The following JADE2 variants were observed in gnomAD, a reference collection of about 807,000 sequenced individuals.
The protein encoded by JADE2 is E3 ubiquitin-protein ligase Jade-2.
JADE2 carries 13 observed loss-of-function variants against 85.7 expected under a neutral mutation model. That is an observed-to-expected ratio of 0.15 (90% CI 0.10 to 0.24). JADE2 has a LOEUF of 0.24. JADE2 is among the 10% of genes least tolerant of loss of function. JADE2 has a pLI of 1.00. For missense variants in JADE2, 846 were observed against 1,115.9 expected, an observed-to-expected ratio of 0.76 and a Z score of 3.45; for synonymous variants, 440 against 456.1, an observed-to-expected ratio of 0.96 and a Z score of 0.45.
rs759320852 is a variant in JADE2, at chr5:134,581,000, A to T, written c.*1683A>T. The T allele has an allele frequency of 6.6e-6, 1 of 152,574 alleles. No individual in the cohort carries two copies. Among genetic ancestry groups the T allele is most frequent in the Non-Finnish European group, 1.5e-5 (1 of 68,038 alleles). The allele number at this position is 152,574 out of a possible 1,614,324, so 9.5% of individuals were successfully genotyped here. On this transcript the variant is annotated 3_prime_UTR_variant, in exon 12 of 12. Transcript: ENST00000681547. ...CCATGTGGTTCCCTCCTCCCCAAAT[A>T]CATAAAGCAAATAAGCAGGATGGGG...
intron 2 of JADE2, among the ~76,000 whole-genome samples, chr5:134,536,398 T>C (rs965913143): frequency 2.0e-5 from 3 of 152,320 alleles, no homozygotes; most frequent in African/African-American, 7.2e-5. Context: ...GCTCAGTGAA[T>C]GTCTGCTGAA....
chr5:134,556,918 A>G (rs1279134385), intron 4 of JADE2, among the ~76,000 whole-genome samples: 4 of 130,652 alleles, frequency 3.1e-5, no homozygotes, highest in Admixed American at 2.5e-4. Context: ...ATGCACACAC[A>G]CACATCACAC....
chr5:134,574,644 A>G (rs954487547), intron 10 of JADE2: 2 of 152,392 alleles, frequency 1.3e-5, no homozygotes, highest in Admixed American at 6.5e-5. Context: ...GTGCTTTGGC[A>G]TCACCACCCA....
At chr5:134,530,667 G>T (rs957967609) in intron 1 of JADE2, among the ~76,000 whole-genome samples, 7 of 152,220 alleles carry the variant, frequency 4.6e-5, no homozygotes, top group African/African-American at 1.7e-4. Context: ...CCCTCACTAA[G>T]GCCAACCACT....
chr5:134,581,619 T>G lies in JADE2; in HGVS notation c.*2302T>G, dbSNP rs1382141572. The G allele has an allele frequency of 6.5e-6, 1 of 152,832 alleles. No individual in the cohort carries two copies. Among genetic ancestry groups the G allele is most frequent in the Non-Finnish European group, 1.5e-5 (1 of 68,592 alleles). 9.5% of individuals were successfully genotyped at this position (152,832 alleles called of 1,614,324 possible). A position where few individuals can be genotyped will look rare whatever the true frequency, so the allele number is the denominator to read the frequency against. ...GCCCCTTGCCTCGGGCTGGCTGGTG[T>G]TCTTCCAAGAGCCTCTGCTCACATT... On this transcript the variant is annotated 3_prime_UTR_variant, in exon 12 of 12. Coordinates refer to ENST00000681547, the MANE Select transcript of JADE2 (RefSeq NM_001388185.1).
chr5:134,559,655 G>T (rs1206216894), intron 4 of JADE2, among the ~76,000 whole-genome samples, 175 bp from the exon 5 acceptor site: 3 of 152,234 alleles, frequency 2.0e-5, no homozygotes, highest in Non-Finnish European at 4.4e-5. Context: ...GTCTCTGCAG[G>T]GTGGGCAGAT....
chr5:134,526,457 G>C (rs1385249428), intron 1 of JADE2: 2 of 985,102 alleles, frequency 2.0e-6, no homozygotes, highest in Non-Finnish European at 2.4e-6. Context: ...CGGCCCGGGC[G>C]GGGGCTCCGA....
chr5:134,533,583 G>C, intron 1 of JADE2: 12 of 985,290 alleles, frequency 1.2e-5, no homozygotes, highest in Non-Finnish European at 1.4e-5. Flanking sequence ...GATTGCAAAA[G>C]AAAATGGGTG....
At chr5:134,541,208 C>T (rs571194114) in intron 3 of JADE2, among the ~76,000 whole-genome samples, 39 of 152,358 alleles carry the variant, frequency 2.6e-4, no homozygotes, top group Non-Finnish European at 5.0e-4. Flanking sequence ...CAAGCTTTTC[C>T]TCCCACAGTA....
chr5:134,527,317 C>T (rs1760914108), intron 1 of JADE2, among the ~76,000 whole-genome samples: 3 of 152,198 alleles, frequency 2.0e-5, no homozygotes, highest in Admixed American at 1.3e-4. Flanking sequence ...TTCTTCCCGC[C>T]CATCCCTGGG....
chr5:134,527,747 C>T (rs1760954620), intron 1 of JADE2, among the ~76,000 whole-genome samples: 1 of 152,112 alleles, frequency 6.6e-6, no homozygotes, highest in African/African-American at 2.4e-5. Flanking sequence ...CGCAACTCCC[C>T]TCCCAATCCC....
At chr5:134,537,749 T>G (rs1275403590) in intron 2 of JADE2, among the ~76,000 whole-genome samples, 4 of 152,166 alleles carry the variant, frequency 2.6e-5, no homozygotes. Context: ...AAACTAATAC[T>G]GAGCCCCAGT....
chr5:134,524,284 T>G (rs962945925), upstream of JADE2: 1 of 152,106 alleles, frequency 6.6e-6, no homozygotes, highest in Non-Finnish European at 1.5e-5. Context: ...GCGCAGCGGG[T>G]TGGGTGGGTG....
chr5:134,560,866 A>T lies in JADE2; in HGVS notation c.593A>T (p.Glu198Val). Residue 198 changes from glutamate (E) to valine (V), a missense_variant, in exon 6 of 12, where the codon GAG becomes GTG. Around this residue, in one of 9 missense-constraint regions of JADE2, gnomAD observed 129 missense variants for 255.4 expected, o/e 0.51. Coordinates refer to ENST00000681547, the MANE Select transcript of JADE2 (RefSeq NM_001388185.1). ...TQEGLGIEYD[E>V]DVVCDVCRSP... ...GAGGGGCTGGGCATCGAGTACGACG[A>T]GGATGTTGTCTGCGACGTGTGTCGC... is the stretch of plus-strand genomic sequence containing the variant. 6.2e-7 allele frequency: 1 copy of T among 1,614,206 alleles called. No individual in the cohort carries two copies. Among genetic ancestry groups the T allele is most frequent in the Non-Finnish European group, 8.5e-7 (1 of 1,180,042 alleles).
Position 134,530,633 on chromosome 5 carries a change from G to A in JADE2, c.-1+4622G>A, listed in dbSNP as rs145852949. Among the ~76,000 whole-genome samples the A allele has an allele frequency of 5.1e-3, 780 of 152,334 alleles. 4 individuals carry two copies. Among genetic ancestry groups the A allele is most frequent in the Middle Eastern group, 0.017 (5 of 294 alleles). On this transcript the variant is annotated intron_variant, in intron 1 of 11. Transcript: ENST00000681547. ...TTAAAGGGGGCTGGCATTGGGCATT[G>A]GTGTTTTAAGTCCAGACCTGAGGCC...
In JADE2 at chr5:134,576,906, G is replaced by A; in HGVS notation, c.1681+10G>A. On this transcript the variant is annotated intron_variant, in intron 11 of 11. Transcript: ENST00000681547. ...GTCCTGGGGCAGCTGGGTGAGTGAGGGCCATGCTGGCCTGCAGACACGGCA... is the reference window on the plus strand; with the variant it reads ...GTCCTGGGGCAGCTGGGTGAGTGAGAGCCATGCTGGCCTGCAGACACGGCA... The A allele has an allele frequency of 7.2e-6, 11 of 1,527,916 alleles. No individual in the cohort carries two copies. The highest frequency in any genetic ancestry group is 9.7e-6 in the Non-Finnish European group (11 of 1,136,552). 94.6% of individuals were successfully genotyped at this position (1,527,916 alleles called of 1,614,324 possible).
In JADE2 at chr5:134,580,562, C is replaced by T. The variant is rs1031379766; in HGVS notation, c.*1245C>T. 3 of 151,810 alleles carry T rather than the reference C, an allele frequency of 2.0e-5. No homozygotes were observed. Among genetic ancestry groups the T allele is most frequent in the Non-Finnish European group, 2.9e-5 (2 of 67,946 alleles). The allele number at this position is 151,810 out of a possible 1,614,324, so 9.4% of individuals were successfully genotyped here. A position where few individuals can be genotyped will look rare whatever the true frequency, so the allele number is the denominator to read the frequency against. Reference sequence around the variant, plus strand: ...TCAGGGAACAACAAAAAAGGAATTCCGTGAAAACATTTTTTTTTCTTTGAT... The same window carrying T: ...TCAGGGAACAACAAAAAAGGAATTCTGTGAAAACATTTTTTTTTCTTTGAT... On this transcript the variant is annotated 3_prime_UTR_variant, in exon 12 of 12. Transcript: ENST00000681547.
chr5:134,578,786 G>T lies in JADE2; in HGVS notation c.1974G>T (p.Gly658=). ...CACCACCACCACCACCGCAGGACGG[G>T]CCTGGTTCACGGACGACTCCAGACA... ...KKPPPPPPQD[G]PGSRTTPDKA... is the part of the protein sequence containing the mutation. Residue 658 remains glycine, a synonymous_variant, in exon 12 of 12, where the codon GGG becomes GGT. Transcript: ENST00000681547. This position sits in a 1 kb window ranked among gnomAD's most constrained non-coding sequence, Gnocchi z 4.4. 2 of 1,613,780 alleles carry T rather than the reference G, an allele frequency of 1.2e-6. No individual in the cohort carries two copies. Among genetic ancestry groups the T allele is most frequent in the Non-Finnish European group, 1.7e-6 (2 of 1,179,996 alleles).
At chr5:134,554,476 G>A (rs761713542) in intron 4 of JADE2, among the ~76,000 whole-genome samples, 3 of 152,102 alleles carry the variant, frequency 2.0e-5, no homozygotes, top group African/African-American at 4.8e-5. Context: ...ATTTGGTTCC[G>A]GAAACATCTC....
Sources: allele counts gnomAD v4.1 joint callset (sites outside exome capture counted in the v4.1 genomes callset), GRCh38; gene constraint gnomAD v4.1.1; regional missense constraint gnomAD v4.1.1; non-coding constraint Gnocchi (gnomAD v3.1); transcripts MANE v1.5; gene names NCBI Gene and HGNC (gene_info 2026-07-23, HGNC 2026-07-21).